Variants in SNX4 observed in about 807,000 individuals in gnomAD.
SNX4 encodes sorting nexin 4, also known as sorting nexin-4.
A neutral mutation model predicts 70.8 loss-of-function variants in SNX4; 49 were observed. That is an observed-to-expected ratio of 0.69 (90% CI 0.55 to 0.88). The LOEUF (loss-of-function observed/expected upper bound fraction) is 0.88, where lower values mean the gene tolerates loss of function less well. Ranked by LOEUF, SNX4 falls within the 40% of genes least tolerant of loss-of-function variation. The pLI is 0.00. For missense variants in SNX4, 528 were observed against 544.8 expected, an observed-to-expected ratio of 0.97 and a Z score of 0.31; for synonymous variants, 206 against 183.8, an observed-to-expected ratio of 1.12 and a Z score of -0.98.
chr3:125,520,002 C>T (rs780644688), intron 1 of SNX4, 30 bp downstream of exon 1: 1 of 1,544,262 alleles, frequency 6.5e-7, no homozygotes, highest in Non-Finnish European at 8.7e-7. Flanking sequence ...CCACACAGGC[C>T]ATGAGGGCTC....
intron 5 of SNX4, among the ~76,000 whole-genome samples, chr3:125,495,277 T>TATATACACACACAC: frequency 1.0e-5 from 1 of 99,618 alleles, no homozygotes; most frequent in Admixed American, 1.2e-4. Flanking sequence ...TATATATATA[T>TATATACACACACAC]ACACATACAC....
At chr3:125,461,545 T>A (rs1057217905) in intron 9 of SNX4, among the ~76,000 whole-genome samples, 1 of 152,244 alleles carries the variant, frequency 6.6e-6, no homozygotes, top group Non-Finnish European at 1.5e-5. Flanking sequence ...GAGTTTGGTA[T>A]AATTGGTATA....
At chr3:125,482,492 A>G (rs1934434768) in intron 6 of SNX4, among the ~76,000 whole-genome samples, 1 of 151,830 alleles carries the variant, frequency 6.6e-6, no homozygotes, top group Non-Finnish European at 1.5e-5. Context: ...CAATGCCCTA[A>G]ATTCAGATTA....
intron 11 of SNX4, among the ~76,000 whole-genome samples, chr3:125,454,827 T>C (rs1206579756): frequency 6.6e-6 from 1 of 152,228 alleles, no homozygotes; most frequent in African/African-American, 2.4e-5. Context: ...GGATCTCTTA[T>C]ATGAGTTTTT....
At chr3:125,476,154 C>G (rs990570810) in intron 8 of SNX4, among the ~76,000 whole-genome samples, 1 of 149,920 alleles carries the variant, frequency 6.7e-6, no homozygotes, top group Non-Finnish European at 1.5e-5. Context: ...GTAATCCCAG[C>G]TACTTGGGAG....
intron 5 of SNX4, among the ~76,000 whole-genome samples, chr3:125,490,175 C>G (rs1934619945): frequency 6.6e-6 from 1 of 151,506 alleles, no homozygotes; most frequent in Admixed American, 6.6e-5. Context: ...GAGGGTAGTT[C>G]CAAAGCAAAT....
At chr3:125,485,917 T>C (rs1284614812) in intron 6 of SNX4, among the ~76,000 whole-genome samples, 1 of 152,154 alleles carries the variant, frequency 6.6e-6, no homozygotes, top group Non-Finnish European at 1.5e-5. Flanking sequence ...CTTGGCTCAC[T>C]GCAACCTCCG....
At chr3:125,519,937 T>TGGCCCGGCCCGGCCC in intron 1 of SNX4, 95 bp downstream of exon 1, 3 of 874,488 alleles carry the variant, frequency 3.4e-6, no homozygotes, top group Non-Finnish European at 4.7e-6. Flanking sequence ...CCGAGCCCAC[T>TGGCCCGGCCCGGCCC]GGCCCGGCCC....
At chr3:125,495,223 G>A (rs1306198425) in intron 5 of SNX4, among the ~76,000 whole-genome samples, 1 of 104,730 alleles carries the variant, frequency 9.5e-6, no homozygotes, top group African/African-American at 3.1e-5. Context: ...CTCCAGATAA[G>A]TGAAATGTGA....
intron 5 of SNX4, among the ~76,000 whole-genome samples, chr3:125,494,036 CAAA>C (rs61235927): frequency 4.0e-5 from 5 of 125,958 alleles, no homozygotes; most frequent in Admixed American, 8.3e-5. Context: ...GACTCCATCT[CAAA>C]AAAAAAAAAA....
intron 12 of SNX4, among the ~76,000 whole-genome samples, chr3:125,452,634 T>C (rs545210275): frequency 6.6e-6 from 1 of 152,224 alleles, no homozygotes; most frequent in African/African-American, 2.4e-5. Context: ...TATTTGTTTT[T>C]GGAGACAGAG....
chr3:125,479,914 C>A (rs924242362), intron 7 of SNX4, among the ~76,000 whole-genome samples: 1 of 151,968 alleles, frequency 6.6e-6, no homozygotes, highest in African/African-American at 2.4e-5. Context: ...AACTATTTCA[C>A]GGACCTTTAA....
At chr3:125,509,984 T>C (rs1935136061) in intron 1 of SNX4, among the ~76,000 whole-genome samples, 1 of 152,096 alleles carries the variant, frequency 6.6e-6, no homozygotes, top group African/African-American at 2.4e-5. Context: ...GTGGAGAAAT[T>C]GGAACCCTCG....
chr3:125,504,748 G>T lies in SNX4; in HGVS notation c.142-4C>A. The T allele has an allele frequency of 6.2e-7, 1 of 1,611,406 alleles. No homozygotes were observed. ...ACCAAAAATTATTGTGTGTCATCTGGACAAAAGTAAATAAAACAACAACAA... is the reference window on the plus strand; with the variant it reads ...ACCAAAAATTATTGTGTGTCATCTGTACAAAAGTAAATAAAACAACAACAA... On this transcript the variant is annotated splice_polypyrimidine_tract_variant and splice_region_variant and intron_variant, in intron 1 of 13. Transcript: ENST00000251775.
chr3:125,484,602 G>C (rs1373432228), intron 6 of SNX4, among the ~76,000 whole-genome samples: 2 of 152,112 alleles, frequency 1.3e-5, no homozygotes, highest in Non-Finnish European at 2.9e-5. Flanking sequence ...AGCCTGGACA[G>C]GTGCCTCTCC....
At chr3:125,518,465 G>T (rs1160613977) in intron 1 of SNX4, among the ~76,000 whole-genome samples, 1 of 150,344 alleles carries the variant, frequency 6.7e-6, no homozygotes, top group Non-Finnish European at 1.5e-5. Context: ...CTGTCTCAAA[G>T]AAAAAAAAAG....
At chr3:125,513,646 G>A (rs73862109) in intron 1 of SNX4, among the ~76,000 whole-genome samples, 2,026 of 152,134 alleles carry the variant, frequency 0.013, 39 homozygotes, top group African/African-American at 0.038. Flanking sequence ...TACTATAATG[G>A]TATACTTCCT....
intron 5 of SNX4, among the ~76,000 whole-genome samples, chr3:125,495,291 C>CATACACAT (rs1298551153): frequency 3.7e-5 from 2 of 53,970 alleles, no homozygotes; most frequent in Non-Finnish European, 5.1e-5. Context: ...CATACACACA[C>CATACACAT]ACACACGTAT....
At chr3:125,487,847 A>AT (rs1485178810) in intron 6 of SNX4, among the ~76,000 whole-genome samples, 1 of 151,976 alleles carries the variant, frequency 6.6e-6, no homozygotes, top group African/African-American at 2.4e-5. Flanking sequence ...AGTAGAGAGG[A>AT]TTTTTAGGAC....
Sources: gnomAD v4.1 joint callset for allele counts (sites outside exome capture counted in the v4.1 genomes callset) on GRCh38, gnomAD v4.1.1 for gene constraint, MANE v1.5 for transcripts, NCBI Gene and HGNC (gene_info 2026-07-23, HGNC 2026-07-21) for gene names.